Variants in GRM8 observed in about 807,000 individuals in gnomAD.
The protein encoded by GRM8 is metabotropic glutamate receptor 8.
A neutral mutation model predicts 87.2 loss-of-function variants in GRM8; 47 were observed. The ratio of observed to expected loss-of-function variants is 0.54; its 90% CI spans 0.43 to 0.69. The LOEUF (loss-of-function observed/expected upper bound fraction) is 0.69, where lower values mean the gene tolerates loss of function less well. Ranked by LOEUF, GRM8 falls within the 30% of genes least tolerant of loss-of-function variation. GRM8 has a pLI of 0.00. For missense variants in GRM8, 1,019 were observed against 1,139.2 expected (o/e 0.89, Z 1.52); for synonymous variants, 396 against 404.5 (o/e 0.98, Z 0.25).
chr7:126,749,715 T>A (rs981076299), intron 7 of GRM8, among the ~76,000 whole-genome samples: 1 of 152,010 alleles, frequency 6.6e-6, no homozygotes, highest in Non-Finnish European at 1.5e-5. Context: ...GAATGGCTAA[T>A]AAGCTTATAG....
At chr7:126,624,697 C>T (rs775006932) in intron 7 of GRM8, among the ~76,000 whole-genome samples, 17 of 140,898 alleles carry the variant, frequency 1.2e-4, no homozygotes, top group Non-Finnish European at 1.9e-4. Context: ...CTTTTCCAGT[C>T]TTCCTTGCAC....
chr7:127,099,889 A>G (rs953231287), intron 3 of GRM8, among the ~76,000 whole-genome samples: 54 of 152,294 alleles, frequency 3.5e-4, no homozygotes, highest in Admixed American at 3.2e-3. Context: ...GTTAGTTAAG[A>G]TGAGGTCATA....
At position 126,550,411 on chromosome 7, in the gene GRM8, C is replaced by T. The variant is rs539110270; in HGVS notation, c.1495-16524G>A. ...ACAGGCATAAGCCACCGCACCCGGC[C>T]GAAAAAGTATTTTTAAAAATGAATC... On this transcript the variant is annotated intron_variant, in intron 8 of 10. Transcript: ENST00000339582. Among the ~76,000 whole-genome samples, 240 of 151,644 alleles carry T rather than the reference C, an allele frequency of 1.6e-3. 1 individual carries two copies. Among genetic ancestry groups the T allele is most frequent in the African/African-American group, 5.6e-3 (233 of 41,340 alleles).
At chr7:126,882,058 T>C (rs1194109083) in intron 6 of GRM8, among the ~76,000 whole-genome samples, 2 of 152,180 alleles carry the variant, frequency 1.3e-5, no homozygotes, top group Admixed American at 6.5e-5. Flanking sequence ...CAATTTTATC[T>C]TACACTAGTG....
chr7:126,885,382 G>A (rs1800392465), intron 6 of GRM8, among the ~76,000 whole-genome samples: 1 of 152,148 alleles, frequency 6.6e-6, no homozygotes. Flanking sequence ...TCCAACAGAA[G>A]TTCCTAACAG....
At chr7:126,988,979 T>C (rs1174086447) in intron 3 of GRM8, among the ~76,000 whole-genome samples, 4 of 152,176 alleles carry the variant, frequency 2.6e-5, no homozygotes, top group Non-Finnish European at 4.4e-5. Flanking sequence ...GGGCCAAATG[T>C]ATTTCCTGGC....
chr7:126,736,103 A>G (rs1814184185), intron 7 of GRM8, among the ~76,000 whole-genome samples: 1 of 152,048 alleles, frequency 6.6e-6, no homozygotes, highest in Non-Finnish European at 1.5e-5. Flanking sequence ...CTTTTCCTAC[A>G]CCACTCTAGT....
intron 9 of GRM8, among the ~76,000 whole-genome samples, chr7:126,502,137 C>T (rs1809739767): frequency 6.6e-6 from 1 of 151,724 alleles, no homozygotes; most frequent in Non-Finnish European, 1.5e-5. Flanking sequence ...GATGCAAAGG[C>T]TAGAAATGTT....
chr7:126,535,315 T>C (rs1435531710), intron 8 of GRM8, among the ~76,000 whole-genome samples: 1 of 152,136 alleles, frequency 6.6e-6, no homozygotes, highest in Non-Finnish European at 1.5e-5. Context: ...TGCTCTCTGC[T>C]GGATAATTCA....
chr7:127,237,450 G>A (rs950371), intron 2 of GRM8, among the ~76,000 whole-genome samples: 9 of 152,178 alleles, frequency 5.9e-5, no homozygotes, highest in African/African-American at 2.2e-4. Flanking sequence ...AAAATGCTTG[G>A]CTTTATAGAA....
chr7:126,678,527 T>A (rs2151325594), intron 7 of GRM8, among the ~76,000 whole-genome samples: 1 of 152,336 alleles, frequency 6.6e-6, no homozygotes. Context: ...TGAAGCAGAA[T>A]TTTTTAAGAG....
chr7:127,023,858 A>G (rs757631309), intron 3 of GRM8, among the ~76,000 whole-genome samples: 13 of 152,236 alleles, frequency 8.5e-5, no homozygotes, highest in South Asian at 6.2e-4. Flanking sequence ...GGAACCCACT[A>G]TGTAACACAA....
intron 3 of GRM8, among the ~76,000 whole-genome samples, chr7:127,043,799 C>G (rs143212470): frequency 1.3e-5 from 2 of 152,028 alleles, no homozygotes; most frequent in Non-Finnish European, 2.9e-5. Flanking sequence ...AAACCCTTTG[C>G]GGATAGGTGG....
chr7:126,634,873 A>T (rs1412838849), intron 7 of GRM8, among the ~76,000 whole-genome samples: 6 of 152,192 alleles, frequency 3.9e-5, no homozygotes. Flanking sequence ...ACTTTTAATG[A>T]TGAAATGTTA....
intron 9 of GRM8, among the ~76,000 whole-genome samples, chr7:126,487,274 G>T (rs1032347211): frequency 2.0e-5 from 3 of 151,666 alleles, no homozygotes; most frequent in Non-Finnish European, 1.5e-5. Flanking sequence ...CTTCAGACAC[G>T]CAATATGGTT....
intron 7 of GRM8, among the ~76,000 whole-genome samples, chr7:126,701,226 T>G (rs998840779): frequency 6.6e-6 from 1 of 152,020 alleles, no homozygotes; most frequent in African/African-American, 2.4e-5. Context: ...GCCCGGAAGG[T>G]TGGGGGTGGG....
chr7:126,845,260 T>C (rs1796610666), intron 6 of GRM8, among the ~76,000 whole-genome samples: 1 of 152,344 alleles, frequency 6.6e-6, no homozygotes, highest in East Asian at 1.9e-4. Context: ...TAGTGACATA[T>C]TTGTGCTCAT....
chr7:127,030,117 G>A (rs370943568), intron 3 of GRM8, among the ~76,000 whole-genome samples: 7 of 152,028 alleles, frequency 4.6e-5, no homozygotes, highest in Non-Finnish European at 8.8e-5. Flanking sequence ...AGGGGGTGGC[G>A]ATGATTCTTT....
intron 7 of GRM8, among the ~76,000 whole-genome samples, chr7:126,694,239 A>T (rs990226048): frequency 6.6e-6 from 1 of 152,162 alleles, no homozygotes; most frequent in African/African-American, 2.4e-5. Context: ...GACATGCACC[A>T]TCTAAAACAT....
Sources: allele counts gnomAD v4.1 joint callset (sites outside exome capture counted in the v4.1 genomes callset), GRCh38; gene constraint gnomAD v4.1.1; transcripts MANE v1.5; gene names NCBI Gene and HGNC (gene_info 2026-07-23, HGNC 2026-07-21).